The following OR4P4 variants were observed in gnomAD, a reference collection of about 807,000 sequenced individuals.
The protein encoded by OR4P4 is olfactory receptor 4P4.
OR4P4 carries 1 observed loss-of-function variant against 2.1 expected under a neutral mutation model. The observed-to-expected ratio is 0.47, with a 90% CI of 0.17 to 2.21. OR4P4 has a LOEUF of 2.21. Among genes scored for constraint, OR4P4 ranks in the 30% most tolerant of loss-of-function variants. OR4P4 has a pLI of 0.27. For synonymous variants in OR4P4, 129 were observed against 133.2 expected, an observed-to-expected ratio of 0.97 and a Z score of 0.22; for missense variants, 375 against 376.5, an observed-to-expected ratio of 1.00 and a Z score of 0.03.
chr11:55,638,883 T>C (rs1244092381), exon 2 of OR4P4: 1 of 1,493,824 alleles, frequency 6.7e-7, no homozygotes, highest in African/African-American at 1.4e-5. Context: ...AGATCACTAC[T>C]TCTGTGATGT....
exon 2 of OR4P4, chr11:55,639,095 C>A (rs1235355782): frequency 6.7e-7 from 1 of 1,492,932 alleles, no homozygotes; most frequent in Non-Finnish European, 9.1e-7. Context: ...TTGTTGTGGT[C>A]CTGTTTTTTG....
chr11:55,635,879 C>A (rs1284591180), intron 1 of OR4P4, among the ~76,000 whole-genome samples: 1 of 137,214 alleles, frequency 7.3e-6, no homozygotes, highest in Non-Finnish European at 1.6e-5. Context: ...GAACACTAAG[C>A]TTAAGGAGGA....
At chr11:55,636,550 A>G in intron 1 of OR4P4, among the ~76,000 whole-genome samples, 1 of 137,570 alleles carries the variant, frequency 7.3e-6, no homozygotes, top group East Asian at 2.4e-4. Context: ...ATCCCGTGTG[A>G]GTTTTCTTAC....
intron 1 of OR4P4, among the ~76,000 whole-genome samples, chr11:55,635,627 G>T (rs1334425497): frequency 2.2e-5 from 3 of 137,624 alleles, no homozygotes; most frequent in Non-Finnish European, 4.9e-5. Flanking sequence ...GTTAGGGAAT[G>T]ACTACTTTCA....
intron 1 of OR4P4, 120 bp from the exon 2 acceptor site, chr11:55,638,208 G>A (rs1341391783): frequency 2.1e-6 from 1 of 478,016 alleles, no homozygotes; most frequent in Non-Finnish European, 3.6e-6. Flanking sequence ...TTGAATACCA[G>A]ATATTTACTC....
At position 55,638,399 on chromosome 11, in the gene OR4P4, GTT is replaced by G. The variant is rs1565073252; in HGVS notation, c.45_46del (p.Ser16ProfsTer3). 2.1e-6 allele frequency: 3 copies of G among 1,449,414 alleles called. 1 individual carries two copies. The highest frequency in any genetic ancestry group is 2.8e-6 in the Non-Finnish European group (3 of 1,071,324). The allele number at this position is 1,449,414 out of a possible 1,614,324, so 89.8% of individuals were successfully genotyped here. On this transcript the variant is annotated frameshift_variant, in exon 2 of 2. Transcript: ENST00000641760. LOFTEE classifies it low-confidence loss of function (END_TRUNC). ...ATAGCACTTTGTTTATTCTCTTGGG[GTT>G]TTCCCAAAATAAGAACATTGAAGTC...
At chr11:55,638,519 C>T (rs1305955307) in exon 2 of OR4P4, 2 of 1,487,060 alleles carry the variant, frequency 1.3e-6, no homozygotes, top group Admixed American at 2.0e-5. Context: ...AGCTCATTCA[C>T]CAACCCATGT....
chr11:55,638,742 C>A (rs1220364311), exon 2 of OR4P4: 3 of 1,492,778 alleles, frequency 2.0e-6, no homozygotes, highest in Non-Finnish European at 1.8e-6. Context: ...CAAGCCCCTG[C>A]ACTACACCAT....
exon 2 of OR4P4, chr11:55,638,744 C>T (rs1463308988): frequency 1.3e-6 from 2 of 1,492,902 alleles, no homozygotes; most frequent in African/African-American, 2.7e-5. Flanking sequence ...AGCCCCTGCA[C>T]TACACCATTA....
rs1459659678 is a variant in OR4P4, at chr11:55,635,400, A to C, written c.-31+184A>C. Among the ~76,000 whole-genome samples the C allele has an allele frequency of 2.2e-5, 3 of 137,804 alleles. 1 individual carries two copies. Among genetic ancestry groups the C allele is most frequent in the Admixed American group, 7.9e-5 (1 of 12,648 alleles). 90.4% of individuals were successfully genotyped at this position (137,804 alleles called of 152,430 possible). A position where few individuals can be genotyped will look rare whatever the true frequency, so the allele number is the denominator to read the frequency against. On this transcript the variant is annotated intron_variant, in intron 1 of 1. Coordinates refer to ENST00000641760, the Ensembl canonical transcript of OR4P4. ...GGACTATGATTTGAGTAGTTTTTGA[A>C]AACAAGGCAAGTACTCCTCTTGCCT... is the stretch of plus-strand genomic sequence containing the variant.
intron 1 of OR4P4, among the ~76,000 whole-genome samples, chr11:55,637,001 C>T (rs12804572): frequency 0.26 from 34,941 of 136,720 alleles, 9,461 homozygotes; most frequent in Admixed American, 0.33. Flanking sequence ...AAAAAAAGCA[C>T]TAACATTGTA....
At chr11:55,635,145 A>G (rs1858373883) in exon 1 of OR4P4, 1 of 137,890 alleles carries the variant, frequency 7.3e-6, no homozygotes. Flanking sequence ...GATCTCAGTC[A>G]TAAAAATCTT....
rs1858390949 is a variant in OR4P4, at chr11:55,636,570, G to T, written c.-31+1354G>T. Among the ~76,000 whole-genome samples the T allele has an allele frequency of 1.5e-5, 2 of 137,206 alleles. 1 individual carries two copies. The highest frequency in any genetic ancestry group is 1.6e-4 in the Admixed American group (2 of 12,604). 90.0% of individuals were successfully genotyped at this position (137,206 alleles called of 152,430 possible). On this transcript the variant is annotated intron_variant, in intron 1 of 1. Transcript: ENST00000641760. ...GTGTGAGTTTTCTTACTTTCACATGGACATATGGTGAGAGGGTTATAAATT... is the reference window on the plus strand; with the variant it reads ...GTGTGAGTTTTCTTACTTTCACATGTACATATGGTGAGAGGGTTATAAATT...
rs1290997686 is a variant in OR4P4 at position 55,639,371 on chromosome 11, T to C, written c.*75T>C. On this transcript the variant is annotated 3_prime_UTR_variant, in exon 2 of 2. Transcript: ENST00000641760. ...ACTCTCATCTTGCTCTTGTCCTTAA[T>C]GTTTGGAGAGAAAAGTGGGCAAACA... 7.1e-6 allele frequency: 6 copies of C among 843,722 alleles called. 1 individual carries two copies. The highest frequency in any genetic ancestry group is 6.1e-5 in the East Asian group (2 of 32,630). 52.3% of individuals were successfully genotyped at this position (843,722 alleles called of 1,614,324 possible). A position where few individuals can be genotyped will look rare whatever the true frequency, so the allele number is the denominator to read the frequency against.
In OR4P4 at chr11:55,638,390, T is replaced by C; in HGVS notation, c.33T>C (p.Ile11=). 3 of 1,430,228 alleles carry C rather than the reference T, an allele frequency of 2.1e-6. 1 individual carries two copies. The Admixed American group carries it at 6.9e-5, about 33-fold the overall frequency. 88.6% of individuals were successfully genotyped at this position (1,430,228 alleles called of 1,614,324 possible). The stretch of plus-strand genomic sequence containing the variant: ...AAAGCAATAATAGCACTTTGTTTAT[T>C]CTCTTGGGGTTTTCCCAAAATAAGA... Residue 11 remains isoleucine, a synonymous_variant, in exon 2 of 2, where the codon ATT becomes ATC. Transcript: ENST00000641760.
chr11:55,637,590 C>A, intron 1 of OR4P4, among the ~76,000 whole-genome samples: 1 of 137,016 alleles, frequency 7.3e-6, no homozygotes, highest in Non-Finnish European at 1.6e-5. Context: ...AACTTGGTAA[C>A]ATGGAGAGAT....
rs1858435027 is a variant in OR4P4 at position 55,639,593 on chromosome 11, T to C, written c.*297T>C. On this transcript the variant is annotated 3_prime_UTR_variant, in exon 2 of 2. Transcript: ENST00000641760. Reference sequence around the variant, plus strand: ...TTGAAAAAATAAAACAGATTATGTGTTTTTTGTGCCTTAAAGTTCTGAGAA... The same window carrying C: ...TTGAAAAAATAAAACAGATTATGTGCTTTTTGTGCCTTAAAGTTCTGAGAA... The C allele has an allele frequency of 1.2e-5, 3 of 259,418 alleles. 1 individual carries two copies. The Admixed American group carries it at 1.7e-4, about 15-fold the overall frequency. 16.1% of individuals were successfully genotyped at this position (259,418 alleles called of 1,614,324 possible).
At position 55,639,142 on chromosome 11, in the gene OR4P4, C is replaced by A. The variant is rs367946820; in HGVS notation, c.785C>A (p.Thr262Lys). Residue 262 changes from threonine (T) to lysine (K), a missense_variant, in exon 2 of 2, where the codon ACA becomes AAA. Thr to Lys is a moderately conservative substitution (Grantham distance 78, BLOSUM62 -1). Coordinates refer to ENST00000641760, the Ensembl canonical transcript of OR4P4. ...TTCATTTACATTAGACCGGTCACAA[C>A]ATTCTCAGAAGATAAAGTGTTTGCC... 7.4e-6 allele frequency: 11 copies of A among 1,493,858 alleles called. 2 individuals are homozygous for A. The highest frequency in any genetic ancestry group is 1.0e-5 in the Non-Finnish European group (11 of 1,098,072). The allele number at this position is 1,493,858 out of a possible 1,614,324, so 92.5% of individuals were successfully genotyped here.
At position 55,639,247 on chromosome 11, in the gene OR4P4, G is replaced by A. The variant is rs75828722; in HGVS notation, c.890G>A (p.Arg297Lys). ...AACACAGAGATGAAGAACGCCATGA[G>A]GAAAGTGTGGTGTTGTCAAATACTC... The change falls in exon 2 of 2, where the codon AGG becomes AAG. Residue 297 changes from arginine to lysine, a missense_variant. Coordinates refer to ENST00000641760, the Ensembl canonical transcript of OR4P4. The A allele has an allele frequency of 4.3e-4, 631 of 1,484,424 alleles. 64 individuals carry two copies. The African/African-American group carries it at 7.8e-3, about 18-fold the overall frequency. The allele number at this position is 1,484,424 out of a possible 1,614,324, so 92.0% of individuals were successfully genotyped here. A position where few individuals can be genotyped will look rare whatever the true frequency, so the allele number is the denominator to read the frequency against.
Sources: allele counts gnomAD v4.1 joint callset (sites outside exome capture counted in the v4.1 genomes callset), GRCh38; gene constraint gnomAD v4.1.1; transcripts MANE v1.5; gene names NCBI Gene and HGNC (gene_info 2026-07-23, HGNC 2026-07-21).